RBFOX1: variants seen among roughly 807,000 people sequenced by gnomAD.
RBFOX1 encodes the protein RNA binding fox-1 homolog 1, also known as RNA binding protein fox-1 homolog 1.
Under a neutral mutation model 57.7 loss-of-function variants are expected in RBFOX1, and 8 were observed. That is an observed-to-expected ratio of 0.14 (90% confidence interval 0.08 to 0.25). RBFOX1 has a LOEUF of 0.25. RBFOX1 is among the 10% of genes least tolerant of loss of function. RBFOX1 has a pLI of 1.00. For synonymous variants in RBFOX1, 326 were observed against 222.4 expected, an observed-to-expected ratio of 1.47 and a Z score of -4.15; for missense variants, 611 against 548.5, an observed-to-expected ratio of 1.11 and a Z score of -1.14.
At chr16:5,549,295 T>C (rs1266685716) in intron 2 of RBFOX1, among the ~76,000 whole-genome samples, 1 of 152,218 alleles carries the variant, frequency 6.6e-6, no homozygotes, top group Non-Finnish European at 1.5e-5. Flanking sequence ...CTCTCTGAGC[T>C]TGACTGTTCT....
At chr16:5,701,631 G>C (rs117231281) in intron 3 of RBFOX1, among the ~76,000 whole-genome samples, 2 of 152,048 alleles carry the variant, frequency 1.3e-5, no homozygotes, top group South Asian at 2.1e-4. Context: ...ACAGAGTTTC[G>C]TCATGTTGCC....
chr16:7,037,617 A>G (rs977341374), intron 3 of RBFOX1, among the ~76,000 whole-genome samples: 7 of 152,198 alleles, frequency 4.6e-5, no homozygotes, highest in African/African-American at 2.4e-5. Flanking sequence ...GGCACGTTAT[A>G]TAGTGCTTTC....
intron 2 of RBFOX1, among the ~76,000 whole-genome samples, chr16:5,594,867 C>T (rs950160905): frequency 6.7e-6 from 1 of 150,150 alleles, no homozygotes; most frequent in South Asian, 2.1e-4. Flanking sequence ...TGTGGTGGCT[C>T]ATGTCTATAA....
intron 4 of RBFOX1, among the ~76,000 whole-genome samples, chr16:7,246,448 G>A (rs757665623): frequency 8.5e-5 from 13 of 152,070 alleles, no homozygotes; most frequent in Non-Finnish European, 1.8e-4. Context: ...GTTGAAAGCA[G>A]AATTAAATCA....
intron 1 of RBFOX1, among the ~76,000 whole-genome samples, chr16:5,396,728 G>A (rs1260943607): frequency 2.6e-5 from 4 of 152,184 alleles, no homozygotes; most frequent in Admixed American, 1.3e-4. Context: ...CATCTGTATC[G>A]TGGCTTAACC....
At chr16:6,614,241 A>T (rs1050922026) in intron 2 of RBFOX1, among the ~76,000 whole-genome samples, 1 of 152,182 alleles carries the variant, frequency 6.6e-6, no homozygotes, top group African/African-American at 2.4e-5. Flanking sequence ...GCAAGTAAGG[A>T]TGTCTGAAAT....
chr16:6,787,413 C>G (rs910336781), intron 3 of RBFOX1, among the ~76,000 whole-genome samples: 3 of 152,100 alleles, frequency 2.0e-5, no homozygotes, highest in African/African-American at 7.2e-5. Flanking sequence ...GCAACAATGC[C>G]GTGTGATTTC....
At chr16:6,806,590 G>C (rs1603627206) in intron 3 of RBFOX1, among the ~76,000 whole-genome samples, 1 of 151,726 alleles carries the variant, frequency 6.6e-6, no homozygotes, top group Non-Finnish European at 1.5e-5. Flanking sequence ...CTAGTTCCCA[G>C]CAAATTTGAT....
At chr16:5,367,001 A>G (rs1417716996) in intron 1 of RBFOX1, among the ~76,000 whole-genome samples, 3 of 152,246 alleles carry the variant, frequency 2.0e-5, no homozygotes, top group Admixed American at 6.5e-5. Flanking sequence ...CAGTATTTTA[A>G]TAAAGTAGCA....
intron 2 of RBFOX1, among the ~76,000 whole-genome samples, chr16:6,511,204 C>T (rs763400941): frequency 1.3e-5 from 2 of 152,154 alleles, no homozygotes; most frequent in East Asian, 1.9e-4. Context: ...GATGGAGGAG[C>T]GAAGAGTGTG....
chr16:5,373,678 C>G lies in RBFOX1; in HGVS notation c.220-93538C>G, dbSNP rs146825348. Reference sequence around the variant, plus strand: ...GGTGTGCGGTGGTGCGATCTTGGCTCACTGCACCTTTGCCTCCCGGGTTCA... The same window carrying G: ...GGTGTGCGGTGGTGCGATCTTGGCTGACTGCACCTTTGCCTCCCGGGTTCA... On this transcript the variant is annotated intron_variant, in intron 1 of 2. Transcript: ENST00000585867. Among the ~76,000 whole-genome samples, 1,315 of 151,938 alleles carry G rather than the reference C, an allele frequency of 8.7e-3. 16 individuals carry two copies. The highest frequency in any genetic ancestry group is 0.03 in the African/African-American group (1,252 of 41,396).
chr16:6,214,534 G>A (rs780833169), intron 1 of RBFOX1, among the ~76,000 whole-genome samples: 2 of 129,908 alleles, frequency 1.5e-5, no homozygotes, highest in Non-Finnish European at 3.3e-5. Context: ...GAGGGAGATG[G>A]GGAGAAGGAG....
intron 14 of RBFOX1, among the ~76,000 whole-genome samples, chr16:7,678,942 A>G (rs2074068008): frequency 6.6e-6 from 1 of 152,194 alleles, no homozygotes; most frequent in South Asian, 2.1e-4. Context: ...CCAACTAACT[A>G]ATACTGTTGT....
chr16:6,455,226 A>G (rs1305405231), intron 2 of RBFOX1, among the ~76,000 whole-genome samples: 1 of 151,924 alleles, frequency 6.6e-6, no homozygotes, highest in Non-Finnish European at 1.5e-5. Context: ...ATTTTAGAAG[A>G]GGAAGAAAAG....
chr16:5,874,407 T>C (rs2057553499), intron 4 of RBFOX1, among the ~76,000 whole-genome samples: 1 of 152,162 alleles, frequency 6.6e-6, no homozygotes, highest in East Asian at 1.9e-4. Context: ...ATTTACACAT[T>C]GAAAGGTGAT....
intron 3 of RBFOX1, among the ~76,000 whole-genome samples, chr16:6,863,076 G>A (rs549568403): frequency 1.3e-5 from 2 of 152,202 alleles, no homozygotes; most frequent in African/African-American, 4.8e-5. Flanking sequence ...TATGATGTAT[G>A]GTGGAGAACA....
In RBFOX1 at chr16:7,031,764, T is replaced by G. The variant is rs539989644; in HGVS notation, c.-15-20293T>G. Among the ~76,000 whole-genome samples, 2 of 152,288 alleles carry G rather than the reference T, an allele frequency of 1.3e-5. 1 individual carries two copies. Among genetic ancestry groups the G allele is most frequent in the East Asian group, 3.9e-4 (2 of 5,172 alleles). ...GTGCCCTCAAACAACATCCCGTGTT[T>G]TACCCACTGCAGAGAAGATGCAGAT... On this transcript the variant is annotated intron_variant, in intron 3 of 15. Transcript: ENST00000550418.
intron 3 of RBFOX1, among the ~76,000 whole-genome samples, chr16:5,733,943 C>A (rs1225079906): frequency 6.6e-6 from 1 of 152,084 alleles, no homozygotes; most frequent in Non-Finnish European, 1.5e-5. Context: ...CCATTTCCTT[C>A]ATGCTTCCTG....
At chr16:6,634,191 A>G (rs1207102250) in intron 2 of RBFOX1, among the ~76,000 whole-genome samples, 1 of 152,206 alleles carries the variant, frequency 6.6e-6, no homozygotes, top group African/African-American at 2.4e-5. Flanking sequence ...AATAAACAGT[A>G]AAGTTGCCTT....
Sources: allele counts gnomAD v4.1 joint callset (sites outside exome capture counted in the v4.1 genomes callset), GRCh38; gene constraint gnomAD v4.1.1; transcripts MANE v1.5; gene names NCBI Gene and HGNC (gene_info 2026-07-23, HGNC 2026-07-21).